The following MYO16 variants were observed in gnomAD, a reference collection of about 807,000 sequenced individuals.
The protein encoded by MYO16 is unconventional myosin-XVI.
A neutral mutation model predicts 205.3 loss-of-function variants in MYO16; 94 were observed. The observed-to-expected ratio is 0.46, with a 90% CI of 0.39 to 0.54. The LOEUF (loss-of-function observed/expected upper bound fraction) is 0.54. Ranked by LOEUF, MYO16 falls within the 20% of genes least tolerant of loss-of-function variation. The pLI is 0.00. For synonymous variants in MYO16, 988 were observed against 954.0 expected, an observed-to-expected ratio of 1.04 and a Z score of -0.66; for missense variants, 2,315 against 2,387.5, an observed-to-expected ratio of 0.97 and a Z score of 0.63.
At chr13:108,748,256 T>C (rs912359750) in intron 4 of MYO16, among the ~76,000 whole-genome samples, 1 of 152,100 alleles carries the variant, frequency 6.6e-6, no homozygotes, top group Non-Finnish European at 1.5e-5. Context: ...TTAAAAATTA[T>C]ATGTAGCCCA....
rs1009170072 is a variant in MYO16 at position 109,018,043 on chromosome 13, G to A, written c.2596-1668G>A. Among the ~76,000 whole-genome samples, 20 of 152,152 alleles carry A rather than the reference G, an allele frequency of 1.3e-4. No individual in the cohort carries two copies. In the South Asian group the frequency reaches 1.4e-3, roughly 11 times the overall value. ...GCTGTGATCCTTTGGAGAAGAAGGG[G>A]TGCTCTGGTTTTTAGAATTTTCAGC... On this transcript the variant is annotated intron_variant, in intron 22 of 34. Coordinates refer to ENST00000457511, the MANE Select transcript of MYO16 (RefSeq NM_001198950.3).
chr13:109,120,971 G>A (rs1223090381), intron 29 of MYO16, among the ~76,000 whole-genome samples: 1 of 152,094 alleles, frequency 6.6e-6, no homozygotes, highest in South Asian at 2.1e-4. Flanking sequence ...ATTCCTTGAG[G>A]TCAGGAGTTC....
intron 2 of MYO16, among the ~76,000 whole-genome samples, chr13:108,700,078 A>G (rs1337481162): frequency 2.0e-5 from 3 of 152,142 alleles, no homozygotes; most frequent in African/African-American, 7.2e-5. Context: ...CATGCCTATA[A>G]TCCCAGCACT....
At chr13:108,835,582 G>C (rs1207456379) in intron 9 of MYO16, among the ~76,000 whole-genome samples, 2 of 152,166 alleles carry the variant, frequency 1.3e-5, no homozygotes, top group African/African-American at 2.4e-5. Flanking sequence ...CAGTTTGAAG[G>C]GCTGAGAAGA....
At chr13:109,183,918 G>C (rs1367800993) in intron 34 of MYO16, among the ~76,000 whole-genome samples, 1 of 152,138 alleles carries the variant, frequency 6.6e-6, no homozygotes, top group East Asian at 1.9e-4. Flanking sequence ...TATGTGGTTT[G>C]CTTTACTGAA....
intron 20 of MYO16, among the ~76,000 whole-genome samples, chr13:108,965,453 C>T (rs1275079659): frequency 6.6e-6 from 1 of 152,086 alleles, no homozygotes. Context: ...GTTGCCCAGG[C>T]GGGAGTGCAC....
At chr13:108,927,704 C>G (rs1882072656) in intron 16 of MYO16, among the ~76,000 whole-genome samples, 1 of 152,260 alleles carries the variant, frequency 6.6e-6, no homozygotes, top group South Asian at 2.1e-4. Flanking sequence ...AGACATGGCT[C>G]TGTCCTTGCG....
intron 10 of MYO16, among the ~76,000 whole-genome samples, chr13:108,852,677 G>T (rs1877946016): frequency 1.3e-5 from 2 of 152,066 alleles, no homozygotes; most frequent in South Asian, 4.1e-4. Context: ...CCCGCCAACA[G>T]CTCCAAGGGA....
the MYO16 span, among the ~76,000 whole-genome samples, chr13:108,555,163 C>T: frequency 6.6e-6 from 1 of 152,068 alleles, no homozygotes; most frequent in African/African-American, 2.4e-5. Flanking sequence ...ATTAGGTGCT[C>T]ATTGTGAGTT....
At chr13:108,883,301 C>T (rs2139167614) in intron 13 of MYO16, 115 bp downstream of exon 13, 3 of 1,299,330 alleles carry the variant, frequency 2.3e-6, no homozygotes, top group African/African-American at 1.5e-5. Flanking sequence ...CCTTGAGGTC[C>T]AGTATATCTT....
At chr13:109,120,347 T>C (rs191743214) in intron 28 of MYO16, 23 bp from the exon 29 acceptor site, 1 of 1,533,630 alleles carries the variant, frequency 6.5e-7, no homozygotes, top group East Asian at 2.3e-5. Flanking sequence ...CTGTTAAATG[T>C]TTCCCTGCTG....
chr13:108,903,486 C>G (rs1199412828), intron 15 of MYO16, among the ~76,000 whole-genome samples: 2 of 152,142 alleles, frequency 1.3e-5, no homozygotes, highest in Non-Finnish European at 2.9e-5. Context: ...AGGTTACATT[C>G]CAAGGTATTG....
At chr13:108,886,309 GTTAATGATTCCCTGTACCAACCCCTTA>G in intron 13 of MYO16, 1 of 411,776 alleles carries the variant, frequency 2.4e-6, no homozygotes, top group Non-Finnish European at 4.9e-6. Context: ...ATTTTTTAAA[GTTAATGATTCCCTGTACCAACCCCTTA>G]TTTTGAAAAA....
chr13:108,762,398 T>G (rs1328958631), intron 4 of MYO16, among the ~76,000 whole-genome samples: 1 of 152,336 alleles, frequency 6.6e-6, no homozygotes, highest in South Asian at 2.1e-4. Context: ...GTTCTGTTTT[T>G]AGTTCTTTGA....
chr13:108,722,299 G>A (rs935197180), intron 3 of MYO16, among the ~76,000 whole-genome samples: 1 of 152,152 alleles, frequency 6.6e-6, no homozygotes, highest in African/African-American at 2.4e-5. Context: ...CCTGAATTGG[G>A]AGGAATATTT....
chr13:108,752,632 T>C (rs1014082593), intron 4 of MYO16, among the ~76,000 whole-genome samples: 5 of 147,364 alleles, frequency 3.4e-5, no homozygotes, highest in African/African-American at 1.3e-4. Flanking sequence ...TGGCCTTTAC[T>C]TTTTTTTTTC....
At chr13:108,680,957 G>C (rs192281997) in intron 2 of MYO16, among the ~76,000 whole-genome samples, 7 of 152,292 alleles carry the variant, frequency 4.6e-5, no homozygotes, top group Non-Finnish European at 8.8e-5. Flanking sequence ...TGATTTTTGA[G>C]TCAAACATGT....
intron 28 of MYO16, among the ~76,000 whole-genome samples, chr13:109,105,933 G>A (rs9521176): frequency 0.19 from 28,987 of 152,138 alleles, 3,531 homozygotes; most frequent in East Asian, 0.58. Context: ...AAATCAGGAT[G>A]TAGTGGTGGC....
rs1023040725 is a variant in MYO16 at position 108,993,980 on chromosome 13, G to A, written c.2442+1532G>A. On this transcript the variant is annotated intron_variant, in intron 21 of 34. Transcript: ENST00000457511. The stretch of plus-strand genomic sequence containing the variant: ...TGATGTCCTCTAAAGTCTGCTAGGG[G>A]ACTTGCCTCACAAGCTGCAACTCCA... Among the ~76,000 whole-genome samples the A allele has an allele frequency of 5.9e-5, 9 of 152,108 alleles. No individual in the cohort carries two copies. The South Asian group carries it at 6.2e-4, about 11-fold the overall frequency.
Sources: gnomAD v4.1 joint callset for allele counts (sites outside exome capture counted in the v4.1 genomes callset) on GRCh38, gnomAD v4.1.1 for gene constraint, MANE v1.5 for transcripts, NCBI Gene and HGNC (gene_info 2026-07-23, HGNC 2026-07-21) for gene names.